Variants in DPYD observed in about 807,000 individuals in gnomAD.
DPYD encodes dihydropyrimidine dehydrogenase, also known as dihydropyrimidine dehydrogenase [NADP(+)].
A neutral mutation model predicts 116.2 loss-of-function variants in DPYD; 109 were observed. The observed-to-expected ratio is 0.94, with a 90% CI of 0.80 to 1.10. The LOEUF is 1.10. Among genes scored for constraint, DPYD ranks in the 50% least tolerant of loss-of-function variants. The pLI is 0.00. For missense variants in DPYD, 1,302 were observed against 1,254.5 expected (o/e 1.04, Z -0.57); for synonymous variants, 440 against 432.0 (o/e 1.02, Z -0.23).
intron 16 of DPYD, among the ~76,000 whole-genome samples, chr1:97,354,821 A>T (rs528487595): frequency 5.3e-4 from 81 of 152,330 alleles, no homozygotes; most frequent in African/African-American, 1.7e-3. Context: ...TCATTCATTA[A>T]TCTATCCCCA....
At chr1:97,201,011 G>T (rs1407879973) in intron 19 of DPYD, among the ~76,000 whole-genome samples, 1 of 152,106 alleles carries the variant, frequency 6.6e-6, no homozygotes, top group African/African-American at 2.4e-5. Flanking sequence ...AGGGCCAACA[G>T]TAAGACTCAG....
chr1:97,794,459 C>T (rs994800537), intron 3 of DPYD, among the ~76,000 whole-genome samples: 3 of 152,178 alleles, frequency 2.0e-5, no homozygotes, highest in African/African-American at 7.2e-5. Flanking sequence ...AGATATTCAG[C>T]ATCATTCACC....
intron 3 of DPYD, among the ~76,000 whole-genome samples, chr1:97,816,143 T>C (rs1484391901): frequency 6.6e-6 from 1 of 152,000 alleles, no homozygotes; most frequent in Non-Finnish European, 1.5e-5. Flanking sequence ...GTGGACACTG[T>C]ACACTATAGC....
At chr1:97,223,925 C>CT in intron 19 of DPYD, among the ~76,000 whole-genome samples, 1 of 151,926 alleles carries the variant, frequency 6.6e-6, no homozygotes, top group Non-Finnish European at 1.5e-5. Flanking sequence ...AAGCAAACTT[C>CT]TTTTTTTCAG....
chr1:97,698,251 T>C (rs1016287436), intron 6 of DPYD, among the ~76,000 whole-genome samples: 3 of 151,820 alleles, frequency 2.0e-5, no homozygotes, highest in African/African-American at 7.2e-5. Flanking sequence ...TTTTGCTTGA[T>C]GATTCAGTCA....
intron 18 of DPYD, among the ~76,000 whole-genome samples, chr1:97,266,549 C>T (rs955243233): frequency 5.9e-5 from 9 of 151,974 alleles, no homozygotes; most frequent in Admixed American, 3.3e-4. Flanking sequence ...TATTATTATA[C>T]GTTAAGTTCT....
chr1:97,421,936 C>T (rs1674609403), intron 14 of DPYD, among the ~76,000 whole-genome samples: 1 of 152,024 alleles, frequency 6.6e-6, no homozygotes, highest in South Asian at 2.1e-4. Flanking sequence ...AAGCGCTAGC[C>T]CCTGAGGATG....
At chr1:97,461,432 T>A (rs1677028132) in intron 13 of DPYD, among the ~76,000 whole-genome samples, 2 of 152,128 alleles carry the variant, frequency 1.3e-5, no homozygotes, top group African/African-American at 4.8e-5. Flanking sequence ...AATTTCAAAC[T>A]CATATTAAAG....
At position 97,134,015 on chromosome 1, in the gene DPYD, ATATATATATATATATATATATATATATAT is replaced by A. The variant is rs1379584016; in HGVS notation, c.2623-35412_2623-35384del. Among the ~76,000 whole-genome samples the A allele has an allele frequency of 6.7e-3, 128 of 18,998 alleles. 20 individuals carry two copies. Among genetic ancestry groups the A allele is most frequent in the African/African-American group, 0.014 (114 of 8,088 alleles). The allele number at this position is 18,998 out of a possible 152,430, so 12.5% of individuals were successfully genotyped here. ...CTCTGTTTCAAAAAAAAAAAAAAAA[ATATATATATATATATATATATATATATAT>A]ATATATATATATATATATATATATT... On this transcript the variant is annotated intron_variant, in intron 20 of 22. Coordinates refer to ENST00000370192, the MANE Select transcript of DPYD (RefSeq NM_000110.4).
intron 14 of DPYD, among the ~76,000 whole-genome samples, chr1:97,426,367 A>G (rs1464880836): frequency 2.6e-5 from 4 of 152,122 alleles, no homozygotes. Context: ...AGCAAAGACC[A>G]TAAATGCTGA....
At chr1:97,286,008 C>T (rs1442868163) in intron 18 of DPYD, among the ~76,000 whole-genome samples, 2 of 152,110 alleles carry the variant, frequency 1.3e-5, no homozygotes, top group African/African-American at 4.8e-5. Context: ...GCAGTTTCTT[C>T]CTAGTCTCGA....
chr1:97,543,546 A>G (rs1650607825), intron 12 of DPYD, among the ~76,000 whole-genome samples: 2 of 152,216 alleles, frequency 1.3e-5, no homozygotes, highest in African/African-American at 4.8e-5. Context: ...AAGCTATTCA[A>G]TGTTACCTTT....
chr1:97,172,390 T>C (rs1366031960), intron 20 of DPYD, among the ~76,000 whole-genome samples: 2 of 152,216 alleles, frequency 1.3e-5, no homozygotes, highest in Admixed American at 6.5e-5. Flanking sequence ...ATACAAAGTA[T>C]AGATCTGATT....
chr1:97,693,551 A>G (rs1428696602), intron 6 of DPYD, among the ~76,000 whole-genome samples: 1 of 152,130 alleles, frequency 6.6e-6, no homozygotes, highest in African/African-American at 2.4e-5. Context: ...CTAAGTAGAA[A>G]GATTCTTAAC....
chr1:97,225,619 C>A (rs981567796), intron 19 of DPYD, among the ~76,000 whole-genome samples: 1 of 141,434 alleles, frequency 7.1e-6, no homozygotes, highest in African/African-American at 2.6e-5. Context: ...TAAATATTAA[C>A]CCCTTAAAAG....
rs535104911 is a variant in DPYD, at chr1:97,078,341, A to T, written c.*635T>A. On this transcript the variant is annotated 3_prime_UTR_variant, in exon 23 of 23. Transcript: ENST00000370192. Reference sequence around the variant, plus strand: ...GAGTAGTGAATGGTATTTAGTTAGTAAATATTCTCCCTATCCTCTATCCAA... The same window carrying T: ...GAGTAGTGAATGGTATTTAGTTAGTTAATATTCTCCCTATCCTCTATCCAA... The T allele has an allele frequency of 4.1e-4, 67 of 162,160 alleles. No individual in the cohort carries two copies. Among genetic ancestry groups the T allele is most frequent in the Non-Finnish European group, 7.6e-4 (56 of 73,670 alleles). The allele number at this position is 162,160 out of a possible 1,614,324, so 10.0% of individuals were successfully genotyped here. A position where few individuals can be genotyped will look rare whatever the true frequency, so the allele number is the denominator to read the frequency against.
chr1:97,595,233 A>G (rs1250722889), intron 8 of DPYD, 67 bp from the exon 9 acceptor site: 1 of 1,273,838 alleles, frequency 7.9e-7, no homozygotes, highest in East Asian at 2.4e-5. Flanking sequence ...ATATTAAAAC[A>G]AAAAAGAAAA....
chr1:97,439,615 T>A (rs1570735833), intron 14 of DPYD, among the ~76,000 whole-genome samples: 1 of 152,118 alleles, frequency 6.6e-6, no homozygotes, highest in East Asian at 1.9e-4. Flanking sequence ...TGTTTCCTGA[T>A]CAGTCTGGCT....
At chr1:97,485,913 T>C (rs899680447) in intron 13 of DPYD, among the ~76,000 whole-genome samples, 3 of 152,238 alleles carry the variant, frequency 2.0e-5, no homozygotes, top group Non-Finnish European at 4.4e-5. Context: ...GCATATATAC[T>C]GTAGTTTTAA....
Sources: allele counts gnomAD v4.1 joint callset (sites outside exome capture counted in the v4.1 genomes callset), GRCh38; gene constraint gnomAD v4.1.1; transcripts MANE v1.5; gene names NCBI Gene and HGNC (gene_info 2026-07-23, HGNC 2026-07-21).